The following ANK2 variants were observed in gnomAD, a reference collection of about 807,000 sequenced individuals.
The protein encoded by ANK2 is ankyrin-2.
Under a neutral mutation model 360.5 loss-of-function variants are expected in ANK2, and 83 were observed. That is an observed-to-expected ratio of 0.23 (90% CI 0.19 to 0.28). The LOEUF (loss-of-function observed/expected upper bound fraction) is 0.28, where lower values mean the gene tolerates loss of function less well. ANK2 is among the 10% of genes least tolerant of loss of function. The pLI, the probability that ANK2 is intolerant of heterozygous loss-of-function variation, is 1.00. For missense variants in ANK2, 4,201 were observed against 4,795.7 expected (o/e 0.88, Z 3.66); for synonymous variants, 1,740 against 1,759.5 (o/e 0.99, Z 0.28).
chr4:112,768,978 T>C, the ANK2 span, among the ~76,000 whole-genome samples: 20 of 152,230 alleles, frequency 1.3e-4, no homozygotes, highest in Non-Finnish European at 2.8e-4. Flanking sequence ...CCAAAGTTCA[T>C]TGGCTTAAAA....
intron 1 of ANK2, among the ~76,000 whole-genome samples, chr4:113,090,976 G>T (rs763230166): frequency 1.3e-4 from 20 of 152,230 alleles, no homozygotes; most frequent in Non-Finnish European, 7.4e-5. Flanking sequence ...ACAATTTGAG[G>T]GCTACTTCTG....
the ANK2 span, among the ~76,000 whole-genome samples, chr4:112,726,799 C>G: frequency 7.3e-6 from 1 of 136,090 alleles, no homozygotes; most frequent in African/African-American, 2.8e-5. Flanking sequence ...TGCAGTGAGC[C>G]AAGATCACCG....
intron 1 of ANK2, among the ~76,000 whole-genome samples, chr4:113,113,586 A>G (rs2094497889): frequency 6.6e-6 from 1 of 152,200 alleles, no homozygotes; most frequent in Admixed American, 6.5e-5. Flanking sequence ...AGGCAGACAC[A>G]AGTTTATCCC....
At chr4:112,937,513 A>G (rs2093850301) in intron 2 of ANK2, among the ~76,000 whole-genome samples, 2 of 151,882 alleles carry the variant, frequency 1.3e-5, no homozygotes, top group South Asian at 4.2e-4. Flanking sequence ...TTTTTAGTAG[A>G]GACTGGGTTT....
chr4:112,978,838 A>G (rs1273104500), intron 2 of ANK2, among the ~76,000 whole-genome samples: 1 of 152,160 alleles, frequency 6.6e-6, no homozygotes, highest in Non-Finnish European at 1.5e-5. Flanking sequence ...TGGCATAGTC[A>G]TTTGACCTTT....
Position 113,357,840 on chromosome 4 carries a change from A to G in ANK2, c.9222A>G (p.Gln3074=), listed in dbSNP as rs747032627. 16 of 1,613,842 alleles carry G rather than the reference A, an allele frequency of 9.9e-6. No homozygotes were observed. The highest frequency in any genetic ancestry group is 8.0e-5 in the African/African-American group (6 of 74,894). The change falls in exon 38 of 46, where the codon CAA becomes CAG. Residue 3074 remains glutamine, a synonymous_variant. Coordinates refer to ENST00000357077, the MANE Select transcript of ANK2 (RefSeq NM_001148.6). ...TATTTGGTTTGATGGTAGACAGACA[A>G]TCACAGGGTACCACCCCTGACACCA... ...QKIFGLMVDR[Q]SQGTTPDTTP... is the part of the protein sequence containing the mutation.
intron 1 of ANK2, among the ~76,000 whole-genome samples, chr4:112,846,349 G>A (rs979931015): frequency 3.3e-5 from 5 of 152,042 alleles, no homozygotes; most frequent in African/African-American, 1.2e-4. Context: ...GGGCTCAATC[G>A]ATCTGCCCTG....
chr4:113,021,262 T>C (rs1289256497), intron 2 of ANK2, among the ~76,000 whole-genome samples: 2 of 152,084 alleles, frequency 1.3e-5, no homozygotes, highest in Non-Finnish European at 2.9e-5. Flanking sequence ...TCTTGGAACA[T>C]AACATTTCTT....
intron 1 of ANK2, among the ~76,000 whole-genome samples, chr4:113,072,799 T>A (rs1285500290): frequency 2.0e-5 from 3 of 149,066 alleles, no homozygotes; most frequent in Non-Finnish European, 4.5e-5. Context: ...GTTTAATCTT[T>A]ATGTGTTTAG....
the ANK2 span, among the ~76,000 whole-genome samples, chr4:112,720,627 C>T: frequency 3.9e-5 from 6 of 152,170 alleles, no homozygotes; most frequent in Admixed American, 1.3e-4. Flanking sequence ...CAATGCCTGT[C>T]ATATTGCCTG....
At chr4:112,849,542 C>T (rs1045415729) in intron 1 of ANK2, among the ~76,000 whole-genome samples, 3 of 152,240 alleles carry the variant, frequency 2.0e-5, no homozygotes, top group Admixed American at 2.0e-4. Context: ...TTATCTCTTA[C>T]CTGTCGAGGC....
chr4:112,915,024 T>G lies in ANK2; in HGVS notation c.21+10510T>G, dbSNP rs1472352334. 2.6e-5 allele frequency among the ~76,000 whole-genome samples: 4 copies of G among 152,184 alleles called. No individual in the cohort carries two copies. The East Asian group carries it at 7.7e-4, about 29-fold the overall frequency. ...CCCATGACTACTGCTTTCTCCTGAA[T>G]AATTACTGGAAAATACATCTAAACT... On this transcript the variant is annotated intron_variant, in intron 2 of 30. Coordinates refer to the ANK2 transcript ENST00000503271.
the ANK2 span, among the ~76,000 whole-genome samples, chr4:112,757,096 C>T: frequency 3.3e-5 from 5 of 151,418 alleles, no homozygotes. Flanking sequence ...TCAATGACAG[C>T]AGTGACTTTT....
At chr4:112,725,608 C>T in the ANK2 span, among the ~76,000 whole-genome samples, 2 of 152,012 alleles carry the variant, frequency 1.3e-5, no homozygotes, top group South Asian at 2.1e-4. Context: ...GATCCTCCCG[C>T]CTCAGCCTCC....
intron 18 of ANK2, among the ~76,000 whole-genome samples, chr4:113,286,323 C>A (rs1199379375): frequency 6.6e-6 from 1 of 152,048 alleles, no homozygotes; most frequent in Non-Finnish European, 1.5e-5. Flanking sequence ...AAGGATACAC[C>A]TTCTATCTCA....
chr4:112,709,384 T>C, the ANK2 span, among the ~76,000 whole-genome samples: 1 of 152,228 alleles, frequency 6.6e-6, no homozygotes, highest in Non-Finnish European at 1.5e-5. Context: ...AGGACCCATA[T>C]GACTCTTATG....
intron 1 of ANK2, chr4:113,160,245 A>G (rs1208116092): frequency 7.0e-6 from 2 of 284,520 alleles, no homozygotes; most frequent in African/African-American, 4.6e-5. Context: ...AAAATTAATA[A>G]ATAGAGACAG....
chr4:113,298,061 T>C (rs2072872927), intron 22 of ANK2, among the ~76,000 whole-genome samples: 1 of 151,918 alleles, frequency 6.6e-6, no homozygotes, highest in African/African-American at 2.4e-5. Context: ...CCTGAGCCCC[T>C]GCTGTGTATT....
chr4:112,883,683 A>G (rs2077435919), intron 1 of ANK2, among the ~76,000 whole-genome samples: 1 of 152,064 alleles, frequency 6.6e-6, no homozygotes. Flanking sequence ...AATTTGGAAT[A>G]GACTATCCAT....
Sources: allele counts gnomAD v4.1 joint callset (sites outside exome capture counted in the v4.1 genomes callset), GRCh38; gene constraint gnomAD v4.1.1; transcripts MANE v1.5; gene names NCBI Gene and HGNC (gene_info 2026-07-23, HGNC 2026-07-21).